KCNH7: variants seen among roughly 807,000 people sequenced by gnomAD.
KCNH7 encodes voltage-gated inwardly rectifying potassium channel KCNH7.
A neutral mutation model predicts 120.8 loss-of-function variants in KCNH7; 49 were observed. That is an observed-to-expected ratio of 0.41 (90% CI 0.32 to 0.51). The LOEUF is 0.51. Among genes scored for constraint, KCNH7 ranks in the 20% least tolerant of loss-of-function variants. KCNH7 has a pLI of 0.38. For missense variants in KCNH7, 1,097 were observed against 1,446.6 expected (o/e 0.76, Z 3.92); for synonymous variants, 547 against 516.1 (o/e 1.06, Z -0.81).
chr2:162,598,650 A>G (rs1559037175), intron 2 of KCNH7, among the ~76,000 whole-genome samples: 1 of 152,144 alleles, frequency 6.6e-6, no homozygotes, highest in Admixed American at 6.6e-5. Context: ...TCCTGTATTT[A>G]TAACTATAAA....
At chr2:162,812,417 G>A (rs922979395) in intron 2 of KCNH7, among the ~76,000 whole-genome samples, 24 of 151,968 alleles carry the variant, frequency 1.6e-4, no homozygotes, top group Non-Finnish European at 2.6e-4. Flanking sequence ...CAAGGGTTGT[G>A]GACAGAAAGA....
At chr2:162,764,615 T>C (rs999658212) in intron 2 of KCNH7, among the ~76,000 whole-genome samples, 2 of 152,152 alleles carry the variant, frequency 1.3e-5, no homozygotes, top group Non-Finnish European at 2.9e-5. Flanking sequence ...TACAGATTAC[T>C]GCAAGTACAA....
rs77503428 is a variant in KCNH7, at chr2:162,605,048, G to A, written c.308-67968C>T. Among the ~76,000 whole-genome samples, 86 of 152,044 alleles carry A rather than the reference G, an allele frequency of 5.7e-4. No homozygotes were observed. The East Asian group carries it at 0.012, about 21-fold the overall frequency. ...TTCATAAATGAGTCCTAAAAATCTCGTCAATGAGATTATAAATTATTGAGG... is the reference window on the plus strand; with the variant it reads ...TTCATAAATGAGTCCTAAAAATCTCATCAATGAGATTATAAATTATTGAGG... On this transcript the variant is annotated intron_variant, in intron 2 of 15. Coordinates refer to ENST00000332142, the MANE Select transcript of KCNH7 (RefSeq NM_033272.4).
Position 162,435,483 on chromosome 2 carries a change from ACATT to A in KCNH7, c.1665_1668del (p.Leu555PhefsTer6). 1 of 1,613,836 alleles carries A rather than the reference ACATT, an allele frequency of 6.2e-7. No homozygotes were observed. The highest frequency in any genetic ancestry group is 1.1e-5 in the South Asian group (1 of 91,080). Reference sequence around the variant, plus strand: ...CAGTGAGCAATCAGGGCAAAGATGCACATTAAGAGCATTAGAACAGCAGCGCCAT... The same window carrying A: ...CAGTGAGCAATCAGGGCAAAGATGCAAAGAGCATTAGAACAGCAGCGCCAT... On this transcript the variant is annotated frameshift_variant, in exon 8 of 16. Coordinates refer to ENST00000332142, the MANE Select transcript of KCNH7 (RefSeq NM_033272.4). LOFTEE classifies it high-confidence loss of function.
chr2:162,807,532 G>A (rs1221384630), intron 2 of KCNH7, among the ~76,000 whole-genome samples: 2 of 152,098 alleles, frequency 1.3e-5, no homozygotes, highest in African/African-American at 4.8e-5. Context: ...ATACAAGTTT[G>A]TGGCTTTTTT....
intron 12 of KCNH7, 129 bp from the exon 13 acceptor site, chr2:162,385,068 T>A: frequency 3.2e-6 from 2 of 626,496 alleles, no homozygotes. Context: ...GCTACTTGGG[T>A]ACTCAATTTT....
At chr2:162,599,673 T>C (rs1407556627) in intron 2 of KCNH7, among the ~76,000 whole-genome samples, 1 of 152,024 alleles carries the variant, frequency 6.6e-6, no homozygotes, top group Admixed American at 6.6e-5. Flanking sequence ...ATTTCTAATT[T>C]ATGTATCTCA....
chr2:162,765,602 G>A (rs1198683650), intron 2 of KCNH7, among the ~76,000 whole-genome samples: 1 of 152,064 alleles, frequency 6.6e-6, no homozygotes, highest in Non-Finnish European at 1.5e-5. Flanking sequence ...AATGTTTATT[G>A]AATTTAATAG....
chr2:162,685,610 T>C (rs1685862595), intron 2 of KCNH7, among the ~76,000 whole-genome samples: 1 of 151,810 alleles, frequency 6.6e-6, no homozygotes, highest in Admixed American at 6.6e-5. Flanking sequence ...GGAGATTTGG[T>C]AGAGTTCTGA....
intron 3 of KCNH7, among the ~76,000 whole-genome samples, chr2:162,533,679 C>T (rs952367710): frequency 6.6e-6 from 1 of 151,480 alleles, no homozygotes; most frequent in Admixed American, 6.6e-5. Context: ...ATTCATAAAA[C>T]AGAAATTGCA....
chr2:162,373,986 C>T (rs1421513621), intron 14 of KCNH7, among the ~76,000 whole-genome samples: 1 of 152,022 alleles, frequency 6.6e-6, no homozygotes, highest in Non-Finnish European at 1.5e-5. Flanking sequence ...CAGTAATTGT[C>T]TTTGCTTTTT....
intron 4 of KCNH7, among the ~76,000 whole-genome samples, 169 bp from the exon 5 acceptor site, chr2:162,512,843 A>G (rs566341485): frequency 5.3e-5 from 8 of 151,958 alleles, no homozygotes; most frequent in Admixed American, 3.3e-4. Flanking sequence ...AGTAACATGC[A>G]TATACTAAAA....
intron 11 of KCNH7, 89 bp downstream of exon 11, chr2:162,396,651 T>C (rs1686919451): frequency 1.1e-6 from 1 of 905,270 alleles, no homozygotes; most frequent in Non-Finnish European, 1.7e-6. Flanking sequence ...TGCTGCAATA[T>C]TTTGCTTGAT....
chr2:162,689,821 G>T (rs1413155766), intron 2 of KCNH7, among the ~76,000 whole-genome samples: 2 of 152,048 alleles, frequency 1.3e-5, no homozygotes, highest in Non-Finnish European at 2.9e-5. Flanking sequence ...TACTTAATAA[G>T]AGAGAAGCCC....
At chr2:162,483,586 G>A (rs187502223) in intron 6 of KCNH7, among the ~76,000 whole-genome samples, 128 of 151,572 alleles carry the variant, frequency 8.4e-4, no homozygotes, top group South Asian at 6.9e-3. Flanking sequence ...TTGACAATTA[G>A]TATCAATTCT....
intron 2 of KCNH7, among the ~76,000 whole-genome samples, chr2:162,626,867 T>C (rs1053254976): frequency 6.6e-6 from 1 of 152,184 alleles, no homozygotes; most frequent in Non-Finnish European, 1.5e-5. Context: ...GAACTTCAAT[T>C]ATTCTGCTGA....
chr2:162,780,704 G>C (rs76226532), intron 2 of KCNH7, among the ~76,000 whole-genome samples: 1 of 152,106 alleles, frequency 6.6e-6, no homozygotes, highest in Non-Finnish European at 1.5e-5. Context: ...AGTTAGTTAC[G>C]TGTAAAATGT....
intron 9 of KCNH7, among the ~76,000 whole-genome samples, chr2:162,418,545 G>C (rs762855083): frequency 2.0e-5 from 3 of 152,120 alleles, no homozygotes; most frequent in Non-Finnish European, 2.9e-5. Context: ...AACTGAAAGA[G>C]TTCACCATTA....
chr2:162,391,783 A>T (rs1455067193), intron 12 of KCNH7, among the ~76,000 whole-genome samples: 5 of 152,062 alleles, frequency 3.3e-5, no homozygotes, highest in Non-Finnish European at 5.9e-5. Flanking sequence ...TGTGGAAGAC[A>T]TTATTATATT....
Sources: allele counts gnomAD v4.1 joint callset (sites outside exome capture counted in the v4.1 genomes callset), GRCh38; gene constraint gnomAD v4.1.1; transcripts MANE v1.5; gene names NCBI Gene and HGNC (gene_info 2026-07-23, HGNC 2026-07-21).